Variants in IRF8 observed in about 807,000 individuals in gnomAD.
IRF8 encodes interferon regulatory factor 8.
Under a neutral mutation model 48.7 loss-of-function variants are expected in IRF8, and 14 were observed. The observed-to-expected ratio is 0.29, with a 90% CI of 0.19 to 0.45. IRF8 has a LOEUF of 0.45. IRF8 is among the 20% of genes least tolerant of loss of function. The pLI is 1.00. For synonymous variants in IRF8, 278 were observed against 227.3 expected (o/e 1.22, Z -2.01); for missense variants, 493 against 580.7 (o/e 0.85, Z 1.55).
intron 7 of IRF8, 84 bp from the exon 8 acceptor site, chr16:85,920,025 T>C: frequency 9.9e-7 from 1 of 1,011,784 alleles, no homozygotes; most frequent in South Asian, 1.3e-5. Flanking sequence ...GCCCTGGGCC[T>C]CCTGATCCCC....
intron 7 of IRF8, among the ~76,000 whole-genome samples, chr16:85,919,372 C>T (rs1036808433): frequency 5.9e-5 from 9 of 152,194 alleles, no homozygotes; most frequent in Non-Finnish European, 1.2e-4. Flanking sequence ...CCCTTCTCCA[C>T]GTCCCCATGC....
chr16:85,904,541 C>A (rs1038036470), intron 2 of IRF8, among the ~76,000 whole-genome samples: 2 of 152,162 alleles, frequency 1.3e-5, no homozygotes, highest in African/African-American at 4.8e-5. Context: ...TGGGGCTGTG[C>A]GTTTCAGTAA....
At chr16:85,914,988 A>G (rs1905256717) in intron 6 of IRF8, among the ~76,000 whole-genome samples, 1 of 151,826 alleles carries the variant, frequency 6.6e-6, no homozygotes, top group African/African-American at 2.4e-5. Flanking sequence ...GGGACAGGCC[A>G]GCGTCTGTCC....
In IRF8 at chr16:85,921,469, G is replaced by A. The variant is rs1173003995; in HGVS notation, c.*187G>A. 12 of 669,120 alleles carry A rather than the reference G, an allele frequency of 1.8e-5. No homozygotes were observed. In the African/African-American group the frequency reaches 1.8e-4, roughly 10 times the overall value. The allele number at this position is 669,120 out of a possible 1,614,324, so 41.4% of individuals were successfully genotyped here. A position where few individuals can be genotyped will look rare whatever the true frequency, so the allele number is the denominator to read the frequency against. On this transcript the variant is annotated 3_prime_UTR_variant, in exon 9 of 9. Coordinates refer to ENST00000268638, the MANE Select transcript of IRF8 (RefSeq NM_002163.4). Reference sequence around the variant, plus strand: ...TACGAAGTGGCGGCATAGCCCTGCCGAGATGTCGGTGATGGCCTGGATGCT... The same window carrying A: ...TACGAAGTGGCGGCATAGCCCTGCCAAGATGTCGGTGATGGCCTGGATGCT...
rs138551718 is a variant in IRF8, at chr16:85,918,640, G to A, written c.825G>A (p.Glu275=). ...CGCGGAAGCTGTTCGGGCACCTGGA[G>A]CGCGGGGTGCTGCTGCACAGCAGCC... ...QVTRKLFGHL[E]RGVLLHSSRQ... The change falls in exon 7 of 9, where the codon GAG becomes GAA. Residue 275 remains glutamate, a synonymous_variant. Transcript: ENST00000268638. 107 of 1,609,098 alleles carry A rather than the reference G, an allele frequency of 6.6e-5. No homozygotes were observed. The African/African-American group carries it at 1.3e-3, about 20-fold the overall frequency.
At position 85,921,097 on chromosome 16, in the gene IRF8, C is replaced by T. The variant is rs1268817863; in HGVS notation, c.1105-9C>T. ...CCTCTGCCTCTGACTTTCTGCACCT[C>T]CCATCTAGATTGAGCAGCTGTATGT... On this transcript the variant is annotated splice_polypyrimidine_tract_variant and intron_variant, in intron 8 of 8. Transcript: ENST00000268638. 6.2e-7 allele frequency: 1 copy of T among 1,609,898 alleles called. No homozygotes were observed. The highest frequency in any genetic ancestry group is 8.5e-7 in the Non-Finnish European group (1 of 1,178,094).
intron 3 of IRF8, among the ~76,000 whole-genome samples, chr16:85,910,485 A>AT (rs940980244): frequency 6.6e-6 from 1 of 151,940 alleles, no homozygotes; most frequent in Non-Finnish European, 1.5e-5. Flanking sequence ...GTTTTGGACA[A>AT]TTTTTTTTAT....
intron 1 of IRF8, among the ~76,000 whole-genome samples, chr16:85,899,513 A>G (rs558123454): frequency 6.6e-6 from 1 of 152,272 alleles, no homozygotes; most frequent in African/African-American, 2.4e-5. Context: ...AAACGTTAGG[A>G]GAGCTCATAT....
chr16:85,899,922 G>T (rs942234516), intron 1 of IRF8, among the ~76,000 whole-genome samples: 1 of 152,178 alleles, frequency 6.6e-6, no homozygotes, highest in Non-Finnish European at 1.5e-5. Context: ...CTTTACGGAT[G>T]GAAACTAGAG....
At position 85,918,616 on chromosome 16, in the gene IRF8, G is replaced by A. The variant is rs748765030; in HGVS notation, c.801G>A (p.Thr267=). 17 of 1,607,654 alleles carry A rather than the reference G, an allele frequency of 1.1e-5. No homozygotes were observed. The highest frequency in any genetic ancestry group is 5.5e-5 in the South Asian group (5 of 91,048). ...CCAGCGAGCGACAGAGGCAGGTGAC[G>A]CGGAAGCTGTTCGGGCACCTGGAGC... ...AIPSERQRQV[T]RKLFGHLERG... Residue 267 remains threonine, a synonymous_variant, in exon 7 of 9, where the codon ACG becomes ACA. Transcript: ENST00000268638.
At chr16:85,920,674 C>A (rs1052188790) in intron 8 of IRF8, among the ~76,000 whole-genome samples, 1 of 152,168 alleles carries the variant, frequency 6.6e-6, no homozygotes, top group South Asian at 2.1e-4. Context: ...CTTCAATATG[C>A]GGGAAGCGGA....
chr16:85,914,464 C>T lies in IRF8; in HGVS notation c.554-9C>T, dbSNP rs973917737. 3.1e-6 allele frequency: 5 copies of T among 1,614,036 alleles called. No homozygotes were observed. In the African/African-American group the frequency reaches 5.3e-5, roughly 17 times the overall value. On this transcript the variant is annotated splice_polypyrimidine_tract_variant and intron_variant, in intron 5 of 8. Coordinates refer to ENST00000268638, the MANE Select transcript of IRF8 (RefSeq NM_002163.4). ...TGGCTCTGAGCTTGCTTTTCTGTTT[C>T]TCCTGCAGGCGTGCCGCTGGTGACG... is the stretch of plus-strand genomic sequence containing the variant.
At chr16:85,911,519 G>T in intron 3 of IRF8, 51 bp from the exon 4 acceptor site, 1 of 1,437,296 alleles carries the variant, frequency 7.0e-7, no homozygotes, top group Non-Finnish European at 9.8e-7. Flanking sequence ...TTCAGCAAAG[G>T]CTGTGATGCC....
At chr16:85,906,715 G>C (rs915613575) in intron 2 of IRF8, among the ~76,000 whole-genome samples, 9 of 152,200 alleles carry the variant, frequency 5.9e-5, no homozygotes, top group Non-Finnish European at 1.0e-4. Flanking sequence ...TTGGGATGTG[G>C]GTTAACTCAG....
At position 85,905,918 on chromosome 16, in the gene IRF8, G is replaced by T. The variant is rs189664124; in HGVS notation, c.174+2729G>T. 3.6e-3 allele frequency among the ~76,000 whole-genome samples: 546 copies of T among 152,282 alleles called. 2 individuals carry two copies. Among genetic ancestry groups the T allele is most frequent in the African/African-American group, 0.013 (530 of 41,544 alleles). On this transcript the variant is annotated intron_variant, in intron 2 of 8. Coordinates refer to ENST00000268638, the MANE Select transcript of IRF8 (RefSeq NM_002163.4). Reference sequence around the variant, plus strand: ...TGTCTGCAGGCATCATCCTGAGGCCGGCCTCATGGTATAGATCACAGAAGA... The same window carrying T: ...TGTCTGCAGGCATCATCCTGAGGCCTGCCTCATGGTATAGATCACAGAAGA...
At chr16:85,915,265 A>C (rs915833380) in intron 6 of IRF8, among the ~76,000 whole-genome samples, 1 of 152,228 alleles carries the variant, frequency 6.6e-6, no homozygotes, top group South Asian at 2.1e-4. Flanking sequence ...TCTTCTGAAC[A>C]AGGAAGCTGG....
At chr16:85,900,562 C>T (rs305084) in intron 1 of IRF8, among the ~76,000 whole-genome samples, 142,441 of 152,328 alleles carry the variant, frequency 0.94, 66,718 homozygotes, top group East Asian at 1. Flanking sequence ...GATCTTGTAA[C>T]GTAACTATGG....
chr16:85,904,812 C>CTTTTTTTTTTTTTTT lies in IRF8; in HGVS notation c.174+1629_174+1643dup, dbSNP rs1177860791. On this transcript the variant is annotated intron_variant, in intron 2 of 8. Transcript: ENST00000268638. Reference sequence around the variant, plus strand: ...ATTTCTCTCTTGTTTGATTGCAGATCTTTTTTTTTTTTTTTTTTTTGCCTT... The same window carrying CTTTTTTTTTTTTTTT: ...ATTTCTCTCTTGTTTGATTGCAGATCTTTTTTTTTTTTTTTTTTTTTTTTTTTTTTTTTTTGCCTT... Among the ~76,000 whole-genome samples, 67 of 87,612 alleles carry CTTTTTTTTTTTTTTT rather than the reference C, an allele frequency of 7.6e-4. 4 individuals are homozygous for CTTTTTTTTTTTTTTT. The highest frequency in any genetic ancestry group is 2.6e-3 in the East Asian group (7 of 2,688). The allele number at this position is 87,612 out of a possible 152,430, so 57.5% of individuals were successfully genotyped here.
chr16:85,913,198 A>C lies in IRF8; in HGVS notation c.515A>C (p.Gln172Pro). The C allele has an allele frequency of 6.2e-7, 1 of 1,614,154 alleles. No homozygotes were observed. The highest frequency in any genetic ancestry group is 8.5e-7 in the Non-Finnish European group (1 of 1,179,992). Residue 172 changes from glutamine to proline, a missense_variant, in exon 5 of 9, where the codon CAG (glutamine) becomes CCG (proline). Physicochemically the swap from Gln to Pro is moderately conservative, Grantham distance 76 (BLOSUM62 -1). Transcript: ENST00000268638. ...TCCCCGCCGGAGGCCTGTCGGAGTC[A>C]GCTCCTTCCAGACTGGTGGGCGCAG... ...SPSPPEACRS[Q>P]LLPDWWAQQP...
Sources: allele counts gnomAD v4.1 joint callset (sites outside exome capture counted in the v4.1 genomes callset), GRCh38; gene constraint gnomAD v4.1.1; transcripts MANE v1.5; gene names NCBI Gene and HGNC (gene_info 2026-07-23, HGNC 2026-07-21).